MXD4: variants seen among roughly 807,000 people sequenced by gnomAD.
MXD4 encodes the protein MAX dimerization protein 4.
Under a neutral mutation model 24.5 loss-of-function variants are expected in MXD4, and 16 were observed. The observed-to-expected ratio is 0.65, with a 90% CI of 0.44 to 0.99. The LOEUF (loss-of-function observed/expected upper bound fraction) is 0.99. Among genes scored for constraint, MXD4 ranks in the 50% least tolerant of loss-of-function variants. MXD4 has a pLI of 0.00. For missense variants in MXD4, 301 were observed against 301.5 expected, an observed-to-expected ratio of 1.00 and a Z score of 0.01; for synonymous variants, 164 against 134.2, an observed-to-expected ratio of 1.22 and a Z score of -1.54.
chr4:2,257,654 A>ACC (rs1415995852), intron 3 of MXD4, among the ~76,000 whole-genome samples: 8 of 152,234 alleles, frequency 5.3e-5, no homozygotes, highest in African/African-American at 1.9e-4. Context: ...AGAGAGCCGA[A>ACC]CCCTCCTGAT....
Position 2,258,972 on chromosome 4 carries a change from G to A in MXD4, c.165-961C>T, listed in dbSNP as rs552482160. ...TGCCTGGAGGATAACGAGGCAGGGG[G>A]ACCTCGCTCCCAGCTCCAGGCCACC... On this transcript the variant is annotated intron_variant, in intron 2 of 5. Coordinates refer to ENST00000337190, the MANE Select transcript of MXD4 (RefSeq NM_006454.3). The A allele has an allele frequency of 1.1e-5, 5 of 455,754 alleles. No individual in the cohort carries two copies. In the East Asian group the frequency reaches 2.1e-4, roughly 19 times the overall value. 28.2% of individuals were successfully genotyped at this position (455,754 alleles called of 1,614,324 possible).
chr4:2,250,469 G>A lies in MXD4; in HGVS notation c.*75C>T, dbSNP rs149969742. ...GCAGTGGGCCTGTGGAGAGGCTGGC[G>A]TCAACTGAAGGAGAACTGGAGGGCT... is the stretch of plus-strand genomic sequence containing the variant. On this transcript the variant is annotated 3_prime_UTR_variant, in exon 6 of 6. Transcript: ENST00000337190. The A allele has an allele frequency of 0.011, 16,110 of 1,445,912 alleles. 150 individuals are homozygous for A. The highest frequency in any genetic ancestry group is 0.012 in the Non-Finnish European group (13,022 of 1,088,904). The allele number at this position is 1,445,912 out of a possible 1,614,324, so 89.6% of individuals were successfully genotyped here. A position where few individuals can be genotyped will look rare whatever the true frequency, so the allele number is the denominator to read the frequency against.
chr4:2,251,444 C>T (rs1174916381), intron 4 of MXD4, among the ~76,000 whole-genome samples, 198 bp from the exon 5 acceptor site: 1 of 152,236 alleles, frequency 6.6e-6, no homozygotes, highest in Non-Finnish European at 1.5e-5. Context: ...CCCAGCCAGG[C>T]GGTCACAGTC....
At chr4:2,258,908 G>A (rs1386003585) in intron 2 of MXD4, 2 of 456,084 alleles carry the variant, frequency 4.4e-6, no homozygotes, top group South Asian at 1.5e-5. Flanking sequence ...TCAGACGCGG[G>A]CACACAATTC....
chr4:2,255,340 A>G (rs1286167494), intron 3 of MXD4: 1 of 456,208 alleles, frequency 2.2e-6, no homozygotes, highest in Admixed American at 2.3e-5. Context: ...CGCTTTAGAA[A>G]TCACGGAACA....
intron 2 of MXD4, chr4:2,260,592 G>T (rs564258447): frequency 2.2e-6 from 1 of 455,430 alleles, no homozygotes; most frequent in Admixed American, 2.4e-5. Flanking sequence ...TGGTTCCCTC[G>T]TCACACTCCT....
chr4:2,255,893 C>T (rs1045865441), intron 3 of MXD4, among the ~76,000 whole-genome samples: 1 of 152,166 alleles, frequency 6.6e-6, no homozygotes, highest in Non-Finnish European at 1.5e-5. Flanking sequence ...GCCTGGCTGC[C>T]GCTGCCGGGG....
Position 2,261,719 on chromosome 4 carries a change from C to T in MXD4, c.164+6G>A, listed in dbSNP as rs1335009028. 1 of 1,365,622 alleles carries T rather than the reference C, an allele frequency of 7.3e-7. No individual in the cohort carries two copies. Among genetic ancestry groups the T allele is most frequent in the Non-Finnish European group, 9.5e-7 (1 of 1,049,412 alleles). 84.6% of individuals were successfully genotyped at this position (1,365,622 alleles called of 1,614,324 possible). A position where few individuals can be genotyped will look rare whatever the true frequency, so the allele number is the denominator to read the frequency against. ...GCCGGGCGGGGTCGGGAGCGGGGGG[C>T]GGTACCTGTTGTTCGGGGCCTTGCG... On this transcript the variant is annotated splice_donor_region_variant and intron_variant, in intron 2 of 5. Transcript: ENST00000337190.
At chr4:2,251,336 G>A (rs1735319245) in intron 4 of MXD4, 90 bp from the exon 5 acceptor site, 11 of 1,410,034 alleles carry the variant, frequency 7.8e-6, no homozygotes, top group South Asian at 1.5e-5. Flanking sequence ...GCCTGGGCCC[G>A]GGAGGTTCCC....
intron 2 of MXD4, chr4:2,260,539 G>C (rs1389996721): frequency 2.2e-6 from 1 of 455,774 alleles, no homozygotes; most frequent in Non-Finnish European, 4.4e-6. Flanking sequence ...GGAGAGAAGC[G>C]GCAGCGGGGG....
chr4:2,252,302 C>T (rs1029890005), intron 4 of MXD4, 106 bp downstream of exon 4: 1 of 910,688 alleles, frequency 1.1e-6, no homozygotes, highest in African/African-American at 1.6e-5. Context: ...ATCTTCAGGC[C>T]CTCTGATCCA....
Position 2,250,493 on chromosome 4 carries a change from C to A in MXD4, c.*51G>T. 1.3e-5 allele frequency: 19 copies of A among 1,498,260 alleles called. No individual in the cohort carries two copies. The highest frequency in any genetic ancestry group is 1.6e-5 in the Non-Finnish European group (18 of 1,122,094). 92.8% of individuals were successfully genotyped at this position (1,498,260 alleles called of 1,614,324 possible). A position where few individuals can be genotyped will look rare whatever the true frequency, so the allele number is the denominator to read the frequency against. On this transcript the variant is annotated 3_prime_UTR_variant, in exon 6 of 6. Transcript: ENST00000337190. ...CGTCAACTGAAGGAGAACTGGAGGG[C>A]TGACACGCGTGGCTGGCGGGCAGGC...
rs953639958 is a variant in MXD4, at chr4:2,249,889, T to A, written c.*655A>T. Reference sequence around the variant, plus strand: ...GTGTCTAGGTGCGTGCGCGTGTGCGTCTGACAGTCCTACCAGAGCAGACGC... The same window carrying A: ...GTGTCTAGGTGCGTGCGCGTGTGCGACTGACAGTCCTACCAGAGCAGACGC... On this transcript the variant is annotated 3_prime_UTR_variant, in exon 6 of 6. Transcript: ENST00000337190. 2.0e-5 allele frequency: 3 copies of A among 153,412 alleles called. No individual in the cohort carries two copies. The highest frequency in any genetic ancestry group is 7.2e-5 in the African/African-American group (3 of 41,472). 9.5% of individuals were successfully genotyped at this position (153,412 alleles called of 1,614,324 possible).
intron 2 of MXD4, among the ~76,000 whole-genome samples, chr4:2,259,769 G>A (rs193265128): frequency 6.6e-6 from 1 of 152,270 alleles, no homozygotes; most frequent in Non-Finnish European, 1.5e-5. Context: ...GGAGAGGTGG[G>A]ACCTGTCCCC....
chr4:2,261,511 G>A (rs1013401675), intron 2 of MXD4, among the ~76,000 whole-genome samples: 1 of 150,516 alleles, frequency 6.6e-6, no homozygotes, highest in Non-Finnish European at 1.5e-5. Flanking sequence ...CGGCCCGGGA[G>A]GCGCGGCCGC....
chr4:2,252,469 C>T lies in MXD4; in HGVS notation c.248G>A (p.Gly83Asp). 1 of 1,610,650 alleles carries T rather than the reference C, an allele frequency of 6.2e-7. No homozygotes were observed. Residue 83 changes from glycine to aspartate, a missense_variant, in exon 4 of 6, where the codon GGC (glycine) becomes GAC (aspartate). Coordinates refer to ENST00000337190, the MANE Select transcript of MXD4 (RefSeq NM_006454.3). Reference protein sequence around the residue: ...LEQLKQLVPLGPDSTRHTTLS... With the variant: ...LEQLKQLVPLDPDSTRHTTLS... ...CGTGGTGTGGCGGGTGCTGTCGGGG[C>T]CCAGGGGCACCAGTTGCTTGAGCTG...
rs1359194102 is a variant in MXD4 at position 2,250,076 on chromosome 4, T to C, written c.*468A>G. ...CCCTTGTCCACGCCAGGAGCCTATG[T>C]GGACTGACAGGTAGGTGGACAGACG... On this transcript the variant is annotated 3_prime_UTR_variant, in exon 6 of 6. Transcript: ENST00000337190. The C allele has an allele frequency of 6.1e-6, 1 of 164,738 alleles. No homozygotes were observed. The highest frequency in any genetic ancestry group is 1.3e-5 in the Non-Finnish European group (1 of 74,202). The allele number at this position is 164,738 out of a possible 1,614,324, so 10.2% of individuals were successfully genotyped here. A position where few individuals can be genotyped will look rare whatever the true frequency, so the allele number is the denominator to read the frequency against.
chr4:2,250,221 C>T lies in MXD4; in HGVS notation c.*323G>A, dbSNP rs924505988. On this transcript the variant is annotated 3_prime_UTR_variant, in exon 6 of 6. Coordinates refer to ENST00000337190, the MANE Select transcript of MXD4 (RefSeq NM_006454.3). ...ATTAAGCCCCTCACACGGCACCTGC[C>T]GAGGTTTGCAGCAATGACGTTTAAT... 2.3e-5 allele frequency: 8 copies of T among 352,302 alleles called. No homozygotes were observed. The highest frequency in any genetic ancestry group is 3.4e-4 in the Middle Eastern group (1 of 2,938). 21.8% of individuals were successfully genotyped at this position (352,302 alleles called of 1,614,324 possible). A position where few individuals can be genotyped will look rare whatever the true frequency, so the allele number is the denominator to read the frequency against.
At chr4:2,260,383 G>T (rs1275333623) in intron 2 of MXD4, among the ~76,000 whole-genome samples, 1 of 152,244 alleles carries the variant, frequency 6.6e-6, no homozygotes, top group Admixed American at 6.5e-5. Context: ...GGGTGAAGAT[G>T]AACTGGCTGC....
Sources: allele counts gnomAD v4.1 joint callset (sites outside exome capture counted in the v4.1 genomes callset), GRCh38; gene constraint gnomAD v4.1.1; transcripts MANE v1.5; gene names NCBI Gene and HGNC (gene_info 2026-07-23, HGNC 2026-07-21).